DLG2: variants seen among roughly 807,000 people sequenced by gnomAD.
The protein encoded by DLG2 is discs large MAGUK scaffold protein 2, also known as disks large homolog 2.
Under a neutral mutation model 132.5 loss-of-function variants are expected in DLG2, and 45 were observed. That is an observed-to-expected ratio of 0.34 (90% CI 0.27 to 0.44). DLG2 has a LOEUF of 0.44. Ranked by LOEUF, DLG2 falls within the 20% of genes least tolerant of loss-of-function variation. DLG2 has a pLI of 1.00. For synonymous variants in DLG2, 424 were observed against 419.6 expected, an observed-to-expected ratio of 1.01 and a Z score of -0.13; for missense variants, 1,045 against 1,196.9, an observed-to-expected ratio of 0.87 and a Z score of 1.87.
At chr11:84,038,073 T>C (rs2095918887) in intron 11 of DLG2, among the ~76,000 whole-genome samples, 1 of 152,020 alleles carries the variant, frequency 6.6e-6, no homozygotes, top group Admixed American at 6.6e-5. Flanking sequence ...CACCCAGGTA[T>C]TAAGCATAGT....
intron 19 of DLG2, among the ~76,000 whole-genome samples, chr11:83,578,434 G>C (rs1006174119): frequency 1.3e-5 from 2 of 152,008 alleles, no homozygotes; most frequent in Non-Finnish European, 2.9e-5. Flanking sequence ...ACTGTAAAAA[G>C]TTCAAGGCAC....
intron 17 of DLG2, 40 bp downstream of exon 17, chr11:83,833,574 T>C (rs1278163994): frequency 2.0e-6 from 3 of 1,523,350 alleles, no homozygotes. Context: ...ATTGATGGCG[T>C]CAGATATGGA....
chr11:83,954,086 T>C (rs115011735), intron 14 of DLG2, among the ~76,000 whole-genome samples: 39 of 152,374 alleles, frequency 2.6e-4, no homozygotes, highest in African/African-American at 8.9e-4. Flanking sequence ...TGTGTTTATG[T>C]CTGGCTAACT....
chr11:84,042,501 T>A (rs934576465), intron 11 of DLG2, among the ~76,000 whole-genome samples: 3 of 151,936 alleles, frequency 2.0e-5, no homozygotes, highest in African/African-American at 7.2e-5. Flanking sequence ...AAATTGAAAT[T>A]TTTTGATGTT....
intron 5 of DLG2, among the ~76,000 whole-genome samples, chr11:85,121,224 C>T (rs1391328915): frequency 6.6e-6 from 1 of 151,806 alleles, no homozygotes; most frequent in Non-Finnish European, 1.5e-5. Flanking sequence ...ATGTATTCCA[C>T]TTAAAAAAAT....
intron 6 of DLG2, among the ~76,000 whole-genome samples, chr11:84,780,629 G>C (rs1224238788): frequency 6.6e-6 from 1 of 151,980 alleles, no homozygotes; most frequent in African/African-American, 2.4e-5. Flanking sequence ...ATTTGGTACT[G>C]TCATTTGTTA....
intron 6 of DLG2, among the ~76,000 whole-genome samples, chr11:84,726,459 C>A (rs1027039363): frequency 1.3e-5 from 2 of 152,294 alleles, no homozygotes; most frequent in Admixed American, 1.3e-4. Context: ...CTTTTTATGG[C>A]TGCATAGTAT....
intron 3 of DLG2, among the ~76,000 whole-genome samples, chr11:85,431,156 T>A (rs746729084): frequency 6.6e-6 from 1 of 152,136 alleles, no homozygotes; most frequent in East Asian, 1.9e-4. Flanking sequence ...CACTTTCAGA[T>A]CCTGCAAAAC....
chr11:84,348,682 C>T (rs1161754905), intron 7 of DLG2, among the ~76,000 whole-genome samples: 1 of 152,080 alleles, frequency 6.6e-6, no homozygotes, highest in African/African-American at 2.4e-5. Context: ...TGACTGTGAC[C>T]TTACTTGGAA....
chr11:85,425,794 G>A (rs2090672910), intron 3 of DLG2, among the ~76,000 whole-genome samples: 1 of 152,086 alleles, frequency 6.6e-6, no homozygotes, highest in African/African-American at 2.4e-5. Context: ...GTGGGTGCAG[G>A]ACAGTGGGTG....
intron 14 of DLG2, among the ~76,000 whole-genome samples, chr11:83,934,290 C>G (rs2080985268): frequency 6.6e-6 from 1 of 152,192 alleles, no homozygotes. Context: ...CAGACAAAAC[C>G]TTGGGCCTCT....
At chr11:84,875,702 T>C (rs1438912429) in intron 6 of DLG2, among the ~76,000 whole-genome samples, 1 of 152,144 alleles carries the variant, frequency 6.6e-6, no homozygotes, top group Non-Finnish European at 1.5e-5. Context: ...GAGGAGCAAC[T>C]GGACCTCAAT....
chr11:84,527,328 G>A (rs1175571297), intron 7 of DLG2, among the ~76,000 whole-genome samples: 1 of 152,096 alleles, frequency 6.6e-6, no homozygotes, highest in Non-Finnish European at 1.5e-5. Flanking sequence ...TTGTGCTCTG[G>A]CAACTCTAGT....
chr11:83,552,122 A>T (rs1371525976), intron 19 of DLG2, among the ~76,000 whole-genome samples: 1 of 152,240 alleles, frequency 6.6e-6, no homozygotes, highest in Non-Finnish European at 1.5e-5. Flanking sequence ...TTGGCAAAAA[A>T]CAATAAACAT....
At chr11:84,891,326 A>G (rs1487333926) in intron 6 of DLG2, among the ~76,000 whole-genome samples, 1 of 152,206 alleles carries the variant, frequency 6.6e-6, no homozygotes, top group Non-Finnish European at 1.5e-5. Flanking sequence ...TGGTAGGAAT[A>G]TTAGTATTTT....
chr11:83,810,008 C>G (rs2046867305), intron 17 of DLG2, among the ~76,000 whole-genome samples: 1 of 152,124 alleles, frequency 6.6e-6, no homozygotes, highest in African/African-American at 2.4e-5. Flanking sequence ...AAGCAAATAA[C>G]TATGCATAAA....
chr11:83,948,675 G>A (rs2084679004), intron 14 of DLG2, among the ~76,000 whole-genome samples: 1 of 151,302 alleles, frequency 6.6e-6, no homozygotes, highest in South Asian at 2.1e-4. Context: ...TATACCAACT[G>A]CATGTTAATA....
chr11:84,508,636 G>A (rs1012018194), intron 7 of DLG2, among the ~76,000 whole-genome samples: 1 of 152,090 alleles, frequency 6.6e-6, no homozygotes, highest in South Asian at 2.1e-4. Context: ...CTGACCTCAG[G>A]TGATCCACTC....
At chr11:83,674,303 C>T (rs960764825) in intron 18 of DLG2, among the ~76,000 whole-genome samples, 1 of 152,158 alleles carries the variant, frequency 6.6e-6, no homozygotes, top group Admixed American at 6.5e-5. Context: ...AGAAGCACTG[C>T]CTGCAGCCAG....
Sources: gnomAD v4.1 joint callset for allele counts (sites outside exome capture counted in the v4.1 genomes callset) on GRCh38, gnomAD v4.1.1 for gene constraint, MANE v1.5 for transcripts, NCBI Gene and HGNC (gene_info 2026-07-23, HGNC 2026-07-21) for gene names.